ARHGEF4: variants seen among roughly 807,000 people sequenced by gnomAD.
ARHGEF4 encodes the protein Rho guanine nucleotide exchange factor 4, also known as APC-stimulated guanine nucleotide exchange factor 1.
Under a neutral mutation model 162.0 loss-of-function variants are expected in ARHGEF4, and 119 were observed. The observed-to-expected ratio is 0.73, with a 90% CI of 0.63 to 0.86. The LOEUF is 0.86. Ranked by LOEUF, ARHGEF4 falls within the 40% of genes least tolerant of loss-of-function variation. The pLI is 0.00. For missense variants in ARHGEF4, 2,488 were observed against 2,456.0 expected, an observed-to-expected ratio of 1.01 and a Z score of -0.28; for synonymous variants, 1,014 against 979.9, an observed-to-expected ratio of 1.03 and a Z score of -0.65.
At chr2:130,906,885 G>A (rs992372611) in intron 1 of ARHGEF4, among the ~76,000 whole-genome samples, 1 of 152,162 alleles carries the variant, frequency 6.6e-6, no homozygotes, top group Non-Finnish European at 1.5e-5. Flanking sequence ...GTGGGTGTGG[G>A]TATGGGTGGG....
At chr2:130,937,071 CTAA>C (rs981232530) in intron 3 of ARHGEF4, among the ~76,000 whole-genome samples, 1 of 151,898 alleles carries the variant, frequency 6.6e-6, no homozygotes, top group African/African-American at 2.4e-5. Flanking sequence ...CCAGGCCTGG[CTAA>C]TTTTTTTTCT....
chr2:130,887,169 C>T (rs113990390), intron 1 of ARHGEF4, among the ~76,000 whole-genome samples: 6,032 of 151,878 alleles, frequency 0.04, 166 homozygotes, highest in Non-Finnish European at 0.056. Flanking sequence ...AGAATTTCTA[C>T]AAAAAGCCTG....
chr2:131,028,730 T>C (rs1440482970), intron 5 of ARHGEF4, among the ~76,000 whole-genome samples: 2 of 152,198 alleles, frequency 1.3e-5, no homozygotes, highest in African/African-American at 2.4e-5. Context: ...CCTCTTTTAC[T>C]TAACTGGAGG....
Position 130,874,146 on chromosome 2 carries a change from C to T in ARHGEF4, c.39+37154C>T, listed in dbSNP as rs567965433. 4.6e-5 allele frequency among the ~76,000 whole-genome samples: 7 copies of T among 152,368 alleles called. No homozygotes were observed. The South Asian group carries it at 1.2e-3, about 27-fold the overall frequency. On this transcript the variant is annotated intron_variant, in intron 1 of 13. Coordinates refer to ENST00000409359, the MANE Select transcript of ARHGEF4 (RefSeq NM_001367493.1). ...TGTTCTGCCCCAGCGACTCACCCCA[C>T]GCTGGGGGATCTCCCTATCAGCAAA...
chr2:130,906,280 G>A (rs925139980), intron 1 of ARHGEF4, among the ~76,000 whole-genome samples: 3 of 152,164 alleles, frequency 2.0e-5, no homozygotes, highest in Non-Finnish European at 2.9e-5. Flanking sequence ...CATAGCCACT[G>A]TGGTGACACT....
chr2:130,951,856 C>T (rs1300781144), intron 4 of ARHGEF4, among the ~76,000 whole-genome samples: 1 of 151,960 alleles, frequency 6.6e-6, no homozygotes, highest in Non-Finnish European at 1.5e-5. Flanking sequence ...GATTGTTATG[C>T]ATATTATACT....
At chr2:130,871,357 GA>G (rs1678475871) in intron 1 of ARHGEF4, among the ~76,000 whole-genome samples, 1 of 152,042 alleles carries the variant, frequency 6.6e-6, no homozygotes, top group African/African-American at 2.4e-5. Context: ...CCAACATGGT[GA>G]AACCTTGTCT....
intron 3 of ARHGEF4, among the ~76,000 whole-genome samples, chr2:130,944,858 A>T (rs576576191): frequency 6.6e-6 from 1 of 151,398 alleles, no homozygotes; most frequent in South Asian, 2.1e-4. Flanking sequence ...ATGTTATGAG[A>T]CTCTGGGCCT....
chr2:131,035,768 C>A (rs1690229996), intron 5 of ARHGEF4: 1 of 985,094 alleles, frequency 1.0e-6, no homozygotes, highest in Non-Finnish European at 1.2e-6. Context: ...TGCACGTGGG[C>A]CCTCTGAAGC....
chr2:130,935,836 GC>G (rs1184045752), intron 3 of ARHGEF4, among the ~76,000 whole-genome samples: 1 of 152,222 alleles, frequency 6.6e-6, no homozygotes, highest in African/African-American at 2.4e-5. Context: ...GGAGGCTAAG[GC>G]AGGTAGATCA....
chr2:130,907,359 C>T (rs1395103139), intron 1 of ARHGEF4, among the ~76,000 whole-genome samples: 14 of 151,818 alleles, frequency 9.2e-5, no homozygotes, highest in South Asian at 2.1e-4. Context: ...GGACTACAGG[C>T]GCCTGCCACC....
chr2:130,914,194 A>G lies in ARHGEF4; in HGVS notation c.248A>G (p.Tyr83Cys), dbSNP rs904258373. Reference sequence around the variant, plus strand: ...TCTGACACAGAGTCCTTGTCTGGGTACCTCCCGAGGGGAGTCTTCCACCCT... The same window carrying G: ...TCTGACACAGAGTCCTTGTCTGGGTGCCTCCCGAGGGGAGTCTTCCACCCT... Reference protein sequence around the residue: ...SASDTESLSGYLPRGVFHPLR... With the variant: ...SASDTESLSGCLPRGVFHPLR... The change falls in exon 2 of 14, where the codon TAC becomes TGC. Residue 83 changes from tyrosine to cysteine, a missense_variant. Transcript: ENST00000409359. The G allele has an allele frequency of 6.5e-7, 1 of 1,536,012 alleles. No homozygotes were observed. The highest frequency in any genetic ancestry group is 2.4e-5 in the East Asian group (1 of 40,896).
At chr2:131,045,113 G>C (rs989330409) in intron 12 of ARHGEF4, among the ~76,000 whole-genome samples, 1 of 152,228 alleles carries the variant, frequency 6.6e-6, no homozygotes, top group East Asian at 1.9e-4. Flanking sequence ...GAAGGTGAGA[G>C]ATGGGTGGGC....
At chr2:130,954,588 C>G (rs1275606603) in intron 4 of ARHGEF4, among the ~76,000 whole-genome samples, 1 of 152,168 alleles carries the variant, frequency 6.6e-6, no homozygotes, top group African/African-American at 2.4e-5. Flanking sequence ...CCTTTTAGCA[C>G]ATTTAACACA....
chr2:130,915,529 C>G lies in ARHGEF4; in HGVS notation c.1583C>G (p.Pro528Arg), dbSNP rs1488418621. 3.3e-5 allele frequency: 51 copies of G among 1,550,452 alleles called. No homozygotes were observed. The highest frequency in any genetic ancestry group is 4.4e-5 in the Non-Finnish European group (50 of 1,147,016). Residue 528 changes from proline (P) to arginine (R), a missense_variant, in exon 2 of 14, where the codon CCT becomes CGT. Physicochemically the swap from Pro to Arg is moderately radical, Grantham distance 103. Transcript: ENST00000409359. ...ACCAGGGCCAAGTTCCCACGGCAGC[C>G]TAGCAGTGAGGGGACCCAGGTGTGG... The part of the protein sequence containing the change: ...SPTRAKFPRQ[P>R]SSEGTQVWSG...
At chr2:130,935,227 A>G (rs1051457517) in intron 3 of ARHGEF4, among the ~76,000 whole-genome samples, 8 of 151,810 alleles carry the variant, frequency 5.3e-5, no homozygotes, top group Non-Finnish European at 1.2e-4. Flanking sequence ...TGGTAGAAAC[A>G]GGGTTTCACC....
intron 4 of ARHGEF4, among the ~76,000 whole-genome samples, chr2:130,997,095 A>G (rs965972108): frequency 6.6e-6 from 1 of 152,202 alleles, no homozygotes; most frequent in Non-Finnish European, 1.5e-5. Context: ...CTATTACTAA[A>G]GAAGTCACTG....
intron 4 of ARHGEF4, among the ~76,000 whole-genome samples, chr2:130,997,857 G>T (rs1687506707): frequency 6.6e-6 from 1 of 151,516 alleles, no homozygotes; most frequent in African/African-American, 2.4e-5. Flanking sequence ...GCAGAATACT[G>T]CCCCCACTTA....
At chr2:130,984,724 A>G (rs1000550216) in intron 4 of ARHGEF4, among the ~76,000 whole-genome samples, 16 of 151,474 alleles carry the variant, frequency 1.1e-4, no homozygotes, top group African/African-American at 3.9e-4. Context: ...ACCAAATTCT[A>G]ATTTCCCATG....
Sources: allele counts gnomAD v4.1 joint callset (sites outside exome capture counted in the v4.1 genomes callset), GRCh38; gene constraint gnomAD v4.1.1; transcripts MANE v1.5; gene names NCBI Gene and HGNC (gene_info 2026-07-23, HGNC 2026-07-21).